Variants in FGF13 observed in about 807,000 individuals in gnomAD.
FGF13 encodes fibroblast growth factor 13.
A neutral mutation model predicts 19.5 loss-of-function variants in FGF13; 2 were observed. The ratio of observed to expected loss-of-function variants is 0.10; its 90% CI spans 0.04 to 0.32. The LOEUF (loss-of-function observed/expected upper bound fraction) is 0.32, where lower values mean the gene tolerates loss of function less well. Ranked by LOEUF, FGF13 falls within the 10% of genes least tolerant of loss-of-function variation. The pLI is 1.00. For synonymous variants in FGF13, 72 were observed against 76.9 expected (o/e 0.94, Z 0.33); for missense variants, 113 against 192.7 (o/e 0.59, Z 2.45).
chrX:138,878,683 G>C (rs1342784094), intron 1 of FGF13, among the ~76,000 whole-genome samples: 21 of 106,912 alleles, frequency 2.0e-4, no homozygotes, highest in Middle Eastern at 4.7e-3. Context: ...GGGATGGCTG[G>C]GTCAAATGGT....
chrX:138,769,818 A>T (rs2090532071), intron 3 of FGF13, among the ~76,000 whole-genome samples: 2 of 112,446 alleles, frequency 1.8e-5, no homozygotes, highest in South Asian at 7.3e-4. Context: ...CATGCTGCCC[A>T]CTATCAATGA....
intron 1 of FGF13, among the ~76,000 whole-genome samples, chrX:139,143,855 G>T (rs913358043): frequency 9.0e-6 from 1 of 111,585 alleles, no homozygotes; most frequent in Non-Finnish European, 1.9e-5. Context: ...CTACATACTA[G>T]CTGATCACAT....
At chrX:138,985,907 G>T (rs1053382668) in intron 1 of FGF13, among the ~76,000 whole-genome samples, 3 of 111,805 alleles carry the variant, frequency 2.7e-5, no homozygotes, top group Admixed American at 9.5e-5. Context: ...CTTGAAAGGT[G>T]AAAAGACTGC....
At chrX:139,100,230 C>G (rs946897423) in intron 1 of FGF13, among the ~76,000 whole-genome samples, 3 of 111,310 alleles carry the variant, frequency 2.7e-5, no homozygotes, top group Non-Finnish European at 3.8e-5. Flanking sequence ...ATTGCTTTAC[C>G]ATGTACAACA....
rs1393935202 is a variant in FGF13, at chrX:138,744,624, G to A, written c.218-35696C>T. Among the ~76,000 whole-genome samples the A allele has an allele frequency of 2.7e-5, 3 of 110,873 alleles. No homozygotes were observed. The East Asian group carries it at 8.6e-4, about 32-fold the overall frequency. On this transcript the variant is annotated intron_variant, in intron 3 of 6. Coordinates refer to the FGF13 transcript ENST00000436198. ...CTTGACATTTTTTGGCAGCATTTTT[G>A]TGAAAACAGATCAATAAGGAAGCAA...
At chrX:138,972,391 T>A in intron 1 of FGF13, among the ~76,000 whole-genome samples, 1 of 105,974 alleles carries the variant, frequency 9.4e-6, no homozygotes, top group Non-Finnish European at 1.9e-5. Context: ...GAGTCTTGCT[T>A]TGTCGCCCAG....
At chrX:138,656,111 A>C (rs1253455819) in intron 3 of FGF13, among the ~76,000 whole-genome samples, 4 of 111,889 alleles carry the variant, frequency 3.6e-5, no homozygotes. Flanking sequence ...GGAAGGATAA[A>C]TGTTGCAAGT....
At chrX:138,941,387 A>G (rs1333419896) in intron 1 of FGF13, among the ~76,000 whole-genome samples, 1 of 111,982 alleles carries the variant, frequency 8.9e-6, no homozygotes, top group Non-Finnish European at 1.9e-5. Context: ...ATCAATGCAC[A>G]AAAATCAGTA....
intron 1 of FGF13, among the ~76,000 whole-genome samples, chrX:139,139,795 A>G (rs1024142330): frequency 8.9e-6 from 1 of 111,736 alleles, no homozygotes; most frequent in Non-Finnish European, 1.9e-5. Flanking sequence ...AAACACAGAG[A>G]AGGGTAGAAG....
chrX:138,847,567 G>A (rs779823506), intron 3 of FGF13, among the ~76,000 whole-genome samples: 6 of 111,867 alleles, frequency 5.4e-5, no homozygotes, highest in African/African-American at 1.6e-4. Flanking sequence ...CAAGACAAGG[G>A]CAAGTGCTGA....
intron 1 of FGF13, among the ~76,000 whole-genome samples, chrX:139,081,738 C>G (rs896366508): frequency 1.8e-5 from 2 of 111,324 alleles, no homozygotes; most frequent in African/African-American, 6.5e-5. Context: ...CTCTCTCTCT[C>G]TCTTATGTGT....
At chrX:139,202,009 G>A (rs1330806037) in intron 1 of FGF13, among the ~76,000 whole-genome samples, 1 of 112,381 alleles carries the variant, frequency 8.9e-6, no homozygotes, top group Non-Finnish European at 1.9e-5. Flanking sequence ...ACAGAGGTAT[G>A]TGGTTTCAAA....
At chrX:138,960,058 G>A (rs2091861615) in intron 1 of FGF13, among the ~76,000 whole-genome samples, 1 of 111,942 alleles carries the variant, frequency 8.9e-6, no homozygotes, top group Admixed American at 9.5e-5. Context: ...ATTTGATCCT[G>A]TCATTTTGAT....
chrX:138,944,664 C>T (rs2091773742), intron 1 of FGF13, among the ~76,000 whole-genome samples: 1 of 110,761 alleles, frequency 9.0e-6, no homozygotes, highest in Non-Finnish European at 1.9e-5. Flanking sequence ...TTTCTAAGGG[C>T]CCCTCAAGTT....
At chrX:138,857,814 T>C in intron 2 of FGF13, 1 of 483,179 alleles carries the variant, frequency 2.1e-6, no homozygotes. Flanking sequence ...AAACATCTAA[T>C]AGCTTGGCGA....
chrX:139,041,323 T>C (rs957023489), intron 1 of FGF13, among the ~76,000 whole-genome samples: 4 of 111,244 alleles, frequency 3.6e-5, no homozygotes, highest in African/African-American at 1.3e-4. Context: ...TTTTTTAATT[T>C]CCTATTATGT....
In FGF13 at chrX:138,781,168, C is replaced by T. The variant is rs1227099292; in HGVS notation, c.218-72240G>A. On this transcript the variant is annotated intron_variant, in intron 3 of 6. Coordinates refer to the FGF13 transcript ENST00000436198. ...AATCTCTGGGACGCATTCAAAGCAGCGTGTAGAGGGAAATTTATAGCACTA... is the reference window on the plus strand; with the variant it reads ...AATCTCTGGGACGCATTCAAAGCAGTGTGTAGAGGGAAATTTATAGCACTA... 5.2e-3 allele frequency among the ~76,000 whole-genome samples: 578 copies of T among 110,468 alleles called. 4 individuals are homozygous for T. The highest frequency in any genetic ancestry group is 0.017 in the African/African-American group (526 of 30,099).
downstream of FGF13, among the ~76,000 whole-genome samples, chrX:138,856,598 G>A: frequency 8.9e-6 from 1 of 112,041 alleles, no homozygotes; most frequent in Middle Eastern, 4.6e-3. Context: ...GGTGAATTTT[G>A]TCACTTCCAA....
chrX:139,146,188 C>A (rs1392510747), intron 1 of FGF13, among the ~76,000 whole-genome samples: 1 of 111,571 alleles, frequency 9.0e-6, no homozygotes, highest in Admixed American at 9.5e-5. Context: ...AGGCAACCTA[C>A]AGAATGGGAG....
Sources: gnomAD v4.1 joint callset for allele counts (sites outside exome capture counted in the v4.1 genomes callset) on GRCh38, gnomAD v4.1.1 for gene constraint, MANE v1.5 for transcripts, NCBI Gene and HGNC (gene_info 2026-07-23, HGNC 2026-07-21) for gene names.